The following AXDND1 variants were observed in gnomAD, a reference collection of about 807,000 sequenced individuals.
The protein encoded by AXDND1 is axonemal dynein light chain domain containing 1, also known as axonemal dynein light chain domain-containing protein 1.
In AXDND1, 110 loss-of-function variants were observed where a neutral mutation model predicts 137.5. The ratio of observed to expected loss-of-function variants is 0.80; its 90% confidence interval spans 0.69 to 0.94. The LOEUF is 0.94. Ranked by LOEUF, AXDND1 falls within the 40% of genes least tolerant of loss-of-function variation. The probability of loss-of-function intolerance (pLI) is 0.00; values close to 1 mark genes in which losing one functional copy is unlikely to be tolerated. For synonymous variants in AXDND1, 414 were observed against 399.7 expected (o/e 1.04, Z -0.43); for missense variants, 1,191 against 1,169.8 (o/e 1.02, Z -0.26).
chr1:179,395,054 G>A (rs759299992), intron 10 of AXDND1, 44 bp from the exon 11 acceptor site: 2 of 1,541,738 alleles, frequency 1.3e-6, no homozygotes, highest in Admixed American at 2.0e-5. Context: ...AAACTTTTTG[G>A]AAATCTCCAA....
chr1:179,385,470 C>A, intron 9 of AXDND1, 111 bp downstream of exon 9: 1 of 1,219,576 alleles, frequency 8.2e-7, no homozygotes, highest in South Asian at 1.3e-5. Flanking sequence ...TTCTACTGAT[C>A]GTAAGTAATC....
chr1:179,529,444 A>G (rs903432472), intron 23 of AXDND1, among the ~76,000 whole-genome samples: 1 of 152,218 alleles, frequency 6.6e-6, no homozygotes, highest in South Asian at 2.1e-4. Flanking sequence ...TTTGTTTAAC[A>G]TGTGTACATA....
chr1:179,388,939 A>G, intron 9 of AXDND1, among the ~76,000 whole-genome samples: 1 of 150,898 alleles, frequency 6.6e-6, no homozygotes, highest in East Asian at 2.0e-4. Context: ...TTGTCTCATC[A>G]AATATAATAA....
In AXDND1 at chr1:179,534,896, GAAGAAGAAC is replaced by G; in HGVS notation, c.2968_2976del (p.Glu990_Gln992del). On this transcript the variant is annotated inframe_deletion, in exon 25 of 26. Coordinates refer to ENST00000367618, the MANE Select transcript of AXDND1 (RefSeq NM_144696.6). ...TCAAGATGAAAGAGAAGTAAAAGAAGAAGAAGAACAACAAGAAGAAGAAGAAGTCAGGTC... is the reference window on the plus strand; with the variant it reads ...TCAAGATGAAAGAGAAGTAAAAGAAGAACAAGAAGAAGAAGAAGTCAGGTC... The G allele has an allele frequency of 1.2e-6, 2 of 1,608,410 alleles. No individual in the cohort carries two copies. The highest frequency in any genetic ancestry group is 2.3e-5 in the South Asian group (2 of 88,206).
chr1:179,538,201 G>C (rs1671751947), intron 25 of AXDND1, among the ~76,000 whole-genome samples: 1 of 151,964 alleles, frequency 6.6e-6, no homozygotes, highest in South Asian at 2.1e-4. Flanking sequence ...CTTCAGTTCT[G>C]CTCTGATCTT....
intron 16 of AXDND1, among the ~76,000 whole-genome samples, chr1:179,462,155 C>A (rs999925302): frequency 1.3e-5 from 2 of 152,102 alleles, no homozygotes; most frequent in Admixed American, 6.5e-5. Context: ...CTGTTTTTGC[C>A]CATTCAGTAT....
chr1:179,367,023 C>T (rs567145232), intron 2 of AXDND1, among the ~76,000 whole-genome samples: 28 of 151,296 alleles, frequency 1.9e-4, no homozygotes, highest in Admixed American at 1.6e-3. Context: ...AGTTCGAGAC[C>T]AGCCTGGCCA....
intron 14 of AXDND1, among the ~76,000 whole-genome samples, chr1:179,431,130 C>CT (rs1343575447): frequency 1.3e-5 from 2 of 151,920 alleles, no homozygotes; most frequent in Admixed American, 6.6e-5. Flanking sequence ...GACTAAATTT[C>CT]TTTTTTTAAA....
At chr1:179,441,150 C>T (rs1025302462) in intron 15 of AXDND1, among the ~76,000 whole-genome samples, 2 of 152,110 alleles carry the variant, frequency 1.3e-5, no homozygotes, top group Non-Finnish European at 2.9e-5. Context: ...TCTCGTTACC[C>T]GGCAGGAGAG....
intron 25 of AXDND1, among the ~76,000 whole-genome samples, chr1:179,549,833 T>C (rs1035894902): frequency 9.9e-5 from 15 of 152,094 alleles, no homozygotes; most frequent in African/African-American, 3.4e-4. Flanking sequence ...ATTGACCCTT[T>C]AAATGGGCTA....
At chr1:179,489,172 A>G (rs1289716716) in intron 18 of AXDND1, among the ~76,000 whole-genome samples, 1 of 152,226 alleles carries the variant, frequency 6.6e-6, no homozygotes, top group Non-Finnish European at 1.5e-5. Flanking sequence ...AATTTTATAT[A>G]AGAATCACAG....
intron 16 of AXDND1, among the ~76,000 whole-genome samples, chr1:179,462,575 C>T (rs143386393): frequency 0.11 from 16,360 of 152,092 alleles, 1,008 homozygotes; most frequent in African/African-American, 0.14. Context: ...TGAGTTAGGG[C>T]GGATTCCCTC....
At chr1:179,430,755 C>T in intron 14 of AXDND1, 149 bp downstream of exon 14, 1 of 799,190 alleles carries the variant, frequency 1.3e-6, no homozygotes, top group Non-Finnish European at 2.0e-6. Context: ...ATCCTGCTAA[C>T]AACCTTGAAT....
At chr1:179,484,316 G>A (rs976871671) in intron 18 of AXDND1, among the ~76,000 whole-genome samples, 1 of 152,140 alleles carries the variant, frequency 6.6e-6, no homozygotes, top group Middle Eastern at 3.2e-3. Context: ...AGCACAGTCA[G>A]GGGTGCCTAT....
chr1:179,398,931 T>A (rs1402089098), intron 11 of AXDND1, among the ~76,000 whole-genome samples: 1 of 152,010 alleles, frequency 6.6e-6, no homozygotes, highest in Non-Finnish European at 1.5e-5. Context: ...GGGCAGGGTG[T>A]ATGCACACAT....
intron 25 of AXDND1, among the ~76,000 whole-genome samples, chr1:179,553,460 T>C (rs1673614625): frequency 6.6e-6 from 1 of 152,226 alleles, no homozygotes; most frequent in South Asian, 2.1e-4. Context: ...TCAAGCATGG[T>C]TGAACGTTGA....
chr1:179,467,061 C>A (rs1178595358), intron 16 of AXDND1, among the ~76,000 whole-genome samples: 1 of 152,174 alleles, frequency 6.6e-6, no homozygotes, highest in Non-Finnish European at 1.5e-5. Flanking sequence ...CACCCGACCC[C>A]TGAGTAGAGT....
intron 17 of AXDND1, among the ~76,000 whole-genome samples, chr1:179,469,173 G>A (rs1194953875): frequency 4.0e-5 from 6 of 151,462 alleles, no homozygotes; most frequent in East Asian, 3.9e-4. Flanking sequence ...CAGGTGATAC[G>A]CCCACCTTGG....
rs34139679 is a variant in AXDND1, at chr1:179,521,758, ATTTT to A, written c.2497-3560_2497-3557del. Among the ~76,000 whole-genome samples, 779 of 123,614 alleles carry A rather than the reference ATTTT, an allele frequency of 6.3e-3. 5 individuals carry two copies. The highest frequency in any genetic ancestry group is 0.021 in the African/African-American group (706 of 32,862). The allele number at this position is 123,614 out of a possible 152,430, so 81.1% of individuals were successfully genotyped here. The stretch of plus-strand genomic sequence containing the variant: ...GCCTTTATTTCACCCTCATTCTTAC[ATTTT>A]TTTTTTTTTTTTTTTGCTGGGTATG... On this transcript the variant is annotated intron_variant, in intron 21 of 25. Transcript: ENST00000367618.
Sources: allele counts gnomAD v4.1 joint callset (sites outside exome capture counted in the v4.1 genomes callset), GRCh38; gene constraint gnomAD v4.1.1; transcripts MANE v1.5; gene names NCBI Gene and HGNC (gene_info 2026-07-23, HGNC 2026-07-21).